SCML4: variants seen among roughly 807,000 people sequenced by gnomAD.
SCML4 encodes the protein Scm polycomb group protein like 4.
SCML4 carries 34 observed loss-of-function variants against 41.1 expected under a neutral mutation model. That is an observed-to-expected ratio of 0.83 (90% confidence interval 0.63 to 1.10). The LOEUF is 1.10. Among genes scored for constraint, SCML4 ranks in the 50% least tolerant of loss-of-function variants. The probability of loss-of-function intolerance (pLI) is 0.00; values close to 1 mark genes in which losing one functional copy is unlikely to be tolerated. For missense variants in SCML4, 522 were observed against 534.1 expected, an observed-to-expected ratio of 0.98 and a Z score of 0.22; for synonymous variants, 214 against 220.9, an observed-to-expected ratio of 0.97 and a Z score of 0.28.
At position 107,720,362 on chromosome 6, in the gene SCML4, A is replaced by G. The variant is rs73523415; in HGVS notation, c.973+341T>C. On this transcript the variant is annotated intron_variant, in intron 6 of 7. Transcript: ENST00000369020. ...AGAGGGTGGCAGAGCCACAAAATAG[A>G]TGGAGCCTATGTCCCTATATTGAGA... 6,878 of 1,010,866 alleles carry G rather than the reference A, an allele frequency of 6.8e-3. 339 individuals carry two copies. In the African/African-American group the frequency reaches 0.1, roughly 15 times the overall value. 62.6% of individuals were successfully genotyped at this position (1,010,866 alleles called of 1,614,324 possible).
rs574958853 is a variant in SCML4, at chr6:107,773,909, A to G, written c.-59-1523T>C. ...CCTGGCCTGGGCCTTGTCTACAAGG[A>G]CAAGATTGCTCTGCTCAGGACAGAA... On this transcript the variant is annotated intron_variant, in intron 1 of 7. Transcript: ENST00000369020. 1.6e-4 allele frequency among the ~76,000 whole-genome samples: 25 copies of G among 152,376 alleles called. No individual in the cohort carries two copies. In the East Asian group the frequency reaches 4.8e-3, roughly 29 times the overall value.
chr6:107,817,512 G>A (rs1784627303), intron 1 of SCML4, among the ~76,000 whole-genome samples: 2 of 151,180 alleles, frequency 1.3e-5, no homozygotes, highest in African/African-American at 2.4e-5. Context: ...AGCTTCTTGG[G>A]AATCTACTTG....
intron 1 of SCML4, among the ~76,000 whole-genome samples, chr6:107,790,877 C>T (rs763457370): frequency 2.6e-5 from 4 of 152,134 alleles, no homozygotes; most frequent in Non-Finnish European, 4.4e-5. Flanking sequence ...CGAGACCAGA[C>T]TGGCCAACAT....
At chr6:107,800,475 A>G (rs1045433893) in intron 1 of SCML4, among the ~76,000 whole-genome samples, 2 of 152,196 alleles carry the variant, frequency 1.3e-5, no homozygotes. Flanking sequence ...CAACTCCTGC[A>G]GGAGTCCCAG....
At position 107,704,947 on chromosome 6, in the gene SCML4, A is replaced by G; in HGVS notation, c.*253T>C. On this transcript the variant is annotated 3_prime_UTR_variant, in exon 8 of 8. Coordinates refer to ENST00000369020, the MANE Select transcript of SCML4 (RefSeq NM_198081.5). ...AGGACCCACTTTAAGAGAAACCAGC[A>G]TAACAGGGATGTTAAAAATCACAGG... 8 of 548,236 alleles carry G rather than the reference A, an allele frequency of 1.5e-5. No individual in the cohort carries two copies. The highest frequency in any genetic ancestry group is 2.3e-5 in the Non-Finnish European group (7 of 308,370). 34.0% of individuals were successfully genotyped at this position (548,236 alleles called of 1,614,324 possible). A position where few individuals can be genotyped will look rare whatever the true frequency, so the allele number is the denominator to read the frequency against.
At chr6:107,707,582 G>A (rs1043331862) in intron 7 of SCML4, among the ~76,000 whole-genome samples, 3 of 152,156 alleles carry the variant, frequency 2.0e-5, no homozygotes, top group South Asian at 2.1e-4. Context: ...ATTCACAGAC[G>A]GCTGGATGGG....
chr6:107,772,702 T>G (rs1161515748), intron 1 of SCML4, among the ~76,000 whole-genome samples: 1 of 152,222 alleles, frequency 6.6e-6, no homozygotes, highest in African/African-American at 2.4e-5. Flanking sequence ...AAAATGACTT[T>G]GTCTGTGTCT....
intron 2 of SCML4, among the ~76,000 whole-genome samples, chr6:107,766,701 C>T (rs1780075720): frequency 1.3e-5 from 2 of 152,208 alleles, no homozygotes; most frequent in African/African-American, 4.8e-5. Flanking sequence ...CACCCCTGAC[C>T]CCTGTTCCAG....
chr6:107,814,852 C>T (rs918313054), intron 1 of SCML4, among the ~76,000 whole-genome samples: 2 of 152,156 alleles, frequency 1.3e-5, no homozygotes, highest in Non-Finnish European at 2.9e-5. Context: ...CGTGCCAGGC[C>T]GTACAAAGGT....
At chr6:107,803,259 AGACCC>A in intron 1 of SCML4, among the ~76,000 whole-genome samples, 3 of 136,306 alleles carry the variant, frequency 2.2e-5, no homozygotes, top group Non-Finnish European at 3.1e-5. Context: ...AGAAGTGAGG[AGACCC>A]TCTGCCTGGC....
At chr6:107,792,453 C>T (rs1782400852) in intron 1 of SCML4, among the ~76,000 whole-genome samples, 1 of 151,990 alleles carries the variant, frequency 6.6e-6, no homozygotes, top group African/African-American at 2.4e-5. Flanking sequence ...AAAAGGGGGC[C>T]GGGCGTTGTG....
At chr6:107,812,639 C>T (rs893937471) in intron 1 of SCML4, among the ~76,000 whole-genome samples, 1 of 152,176 alleles carries the variant, frequency 6.6e-6, no homozygotes, top group Admixed American at 6.6e-5. Context: ...GCTGACCCTC[C>T]GTGGGGTAAG....
At chr6:107,731,145 G>A (rs1362361771) in intron 5 of SCML4, among the ~76,000 whole-genome samples, 1 of 152,188 alleles carries the variant, frequency 6.6e-6, no homozygotes, top group South Asian at 2.1e-4. Context: ...GAGCCAGAGA[G>A]AGAAAGAGAA....
intron 6 of SCML4, among the ~76,000 whole-genome samples, chr6:107,713,120 T>C (rs1626402): frequency 0.75 from 114,342 of 152,234 alleles, 43,146 homozygotes; most frequent in Admixed American, 0.81. Flanking sequence ...AAAGCAATCC[T>C]GATTCTCACA....
At chr6:107,740,035 G>T (rs1341682322) in intron 5 of SCML4, 2 of 441,048 alleles carry the variant, frequency 4.5e-6, no homozygotes, top group Non-Finnish European at 9.2e-6. Context: ...AAGTAGTTAT[G>T]AGCTAGGAAA....
At chr6:107,760,477 C>T (rs574246290) in intron 2 of SCML4, among the ~76,000 whole-genome samples, 2 of 152,230 alleles carry the variant, frequency 1.3e-5, no homozygotes, top group Non-Finnish European at 2.9e-5. Context: ...TGCAGAATCT[C>T]TGAGAAGATA....
intron 5 of SCML4, among the ~76,000 whole-genome samples, chr6:107,725,278 G>A (rs1381093958): frequency 2.0e-5 from 3 of 152,032 alleles, no homozygotes. Flanking sequence ...TTATATGAAT[G>A]TAACAAATTA....
Position 107,720,995 on chromosome 6 carries a change from TAAGC to T in SCML4, c.683-6_683-3del. The stretch of plus-strand genomic sequence containing the variant: ...ACTCTTCGGTGGTGACTGTCTTGAC[TAAGC>T]AATAAGGCAGTACAGAGAAGCAGAT... On this transcript the variant is annotated splice_region_variant and splice_polypyrimidine_tract_variant and intron_variant, in intron 5 of 7. Coordinates refer to ENST00000369020, the MANE Select transcript of SCML4 (RefSeq NM_198081.5). 1 of 1,603,882 alleles carries T rather than the reference TAAGC, an allele frequency of 6.2e-7. No homozygotes were observed. The highest frequency in any genetic ancestry group is 1.1e-5 in the South Asian group (1 of 89,332).
chr6:107,765,238 C>T (rs1779937217), intron 2 of SCML4, among the ~76,000 whole-genome samples: 2 of 152,144 alleles, frequency 1.3e-5, no homozygotes, highest in Admixed American at 1.3e-4. Context: ...GCATCAGTGG[C>T]AATGGGATCA....
Sources: gnomAD v4.1 joint callset for allele counts (sites outside exome capture counted in the v4.1 genomes callset) on GRCh38, gnomAD v4.1.1 for gene constraint, MANE v1.5 for transcripts, NCBI Gene and HGNC (gene_info 2026-07-23, HGNC 2026-07-21) for gene names.